TAFA2: variants seen among roughly 807,000 people sequenced by gnomAD.
TAFA2 encodes the protein TAFA chemokine like family member 2, also known as chemokine-like protein TAFA-2.
TAFA2 carries 7 observed loss-of-function variants against 18.8 expected under a neutral mutation model. That is an observed-to-expected ratio of 0.37 (90% CI 0.21 to 0.70). The LOEUF (loss-of-function observed/expected upper bound fraction) is 0.70, where lower values mean the gene tolerates loss of function less well. Among genes scored for constraint, TAFA2 ranks in the 30% least tolerant of loss-of-function variants. The pLI is 0.53. For missense variants in TAFA2, 122 were observed against 158.1 expected (o/e 0.77, Z 1.23); for synonymous variants, 60 against 54.2 (o/e 1.11, Z -0.47).
chr12:61,903,223 A>C (rs532963089), intron 1 of TAFA2, among the ~76,000 whole-genome samples: 7 of 152,184 alleles, frequency 4.6e-5, no homozygotes, highest in African/African-American at 1.7e-4. Context: ...CCATAACCTA[A>C]TAGACTACTA....
intron 1 of TAFA2, among the ~76,000 whole-genome samples, chr12:62,048,479 G>T (rs985976644): frequency 1.6e-4 from 25 of 152,128 alleles, no homozygotes; most frequent in African/African-American, 5.8e-4. Context: ...GATGAGATTT[G>T]GGTGGGCACA....
intron 2 of TAFA2, among the ~76,000 whole-genome samples, chr12:61,830,216 T>G (rs1872667851): frequency 6.7e-6 from 1 of 150,170 alleles, no homozygotes. Flanking sequence ...TATATGTATA[T>G]GTATATATTA....
chr12:61,836,756 T>TATATATATATATATATATACAC (rs68158949), intron 2 of TAFA2, among the ~76,000 whole-genome samples: 160 of 119,784 alleles, frequency 1.3e-3, no homozygotes, highest in Non-Finnish European at 2.4e-3. Context: ...TATATATATA[T>TATATATATATATATATATACAC]ACACACACAC....
chr12:62,207,677 G>A (rs1260070885), intron 1 of TAFA2, among the ~76,000 whole-genome samples: 1 of 152,092 alleles, frequency 6.6e-6, no homozygotes, highest in Non-Finnish European at 1.5e-5. Context: ...GTGGTTCCTA[G>A]GGTACAGGGG....
intron 1 of TAFA2, among the ~76,000 whole-genome samples, chr12:62,157,541 C>T (rs1300410774): frequency 1.3e-5 from 2 of 152,196 alleles, no homozygotes; most frequent in African/African-American, 4.8e-5. Context: ...AACCACTCTG[C>T]GGTCCAGTCT....
chr12:62,231,057 A>C (rs1427986651), intron 1 of TAFA2, among the ~76,000 whole-genome samples: 1 of 152,234 alleles, frequency 6.6e-6, no homozygotes, highest in African/African-American at 2.4e-5. Flanking sequence ...ATTTATGTCC[A>C]TTTGATCCAC....
At chr12:62,257,926 A>G (rs908059831) in intron 1 of TAFA2, among the ~76,000 whole-genome samples, 4 of 152,234 alleles carry the variant, frequency 2.6e-5, no homozygotes, top group African/African-American at 9.6e-5. Context: ...CCAGTAAAAT[A>G]AGCAGAATTT....
At chr12:61,998,515 T>G (rs1880276043) in intron 1 of TAFA2, among the ~76,000 whole-genome samples, 3 of 152,198 alleles carry the variant, frequency 2.0e-5, no homozygotes, top group Admixed American at 1.3e-4. Flanking sequence ...CATTTCTAAC[T>G]GATATGCATA....
Position 61,808,542 on chromosome 12 carries a change from G to A in TAFA2, c.107-53518C>T, listed in dbSNP as rs117339881. Among the ~76,000 whole-genome samples, 666 of 151,460 alleles carry A rather than the reference G, an allele frequency of 4.4e-3. 4 individuals carry two copies. The highest frequency in any genetic ancestry group is 0.017 in the Middle Eastern group (5 of 294). On this transcript the variant is annotated intron_variant, in intron 2 of 4. Transcript: ENST00000416284. ...AACCTTAAAATATGATTAGGATTTA[G>A]ATAAGCTGATGAGCAAAACAAGGTG...
chr12:61,794,710 C>A (rs934745119), intron 2 of TAFA2, among the ~76,000 whole-genome samples: 1 of 151,526 alleles, frequency 6.6e-6, no homozygotes, highest in East Asian at 1.9e-4. Flanking sequence ...ACATAAAATG[C>A]CCCCAAAAAT....
At chr12:61,761,122 C>T (rs1471524241) in intron 2 of TAFA2, among the ~76,000 whole-genome samples, 1 of 151,956 alleles carries the variant, frequency 6.6e-6, no homozygotes, top group Non-Finnish European at 1.5e-5. Context: ...GATACTGCCT[C>T]TTAAATCATA....
intron 1 of TAFA2, among the ~76,000 whole-genome samples, chr12:61,999,023 T>TA (rs2136698377): frequency 1.3e-5 from 2 of 152,332 alleles, no homozygotes; most frequent in East Asian, 3.9e-4. Context: ...GCTGGGTTTT[T>TA]ATTCAGCTGC....
chr12:61,735,868 G>T (rs1868295558), intron 4 of TAFA2, among the ~76,000 whole-genome samples: 1 of 151,904 alleles, frequency 6.6e-6, no homozygotes, highest in Non-Finnish European at 1.5e-5. Flanking sequence ...ATTATTTGTG[G>T]AGTGATTGTG....
intron 4 of TAFA2, among the ~76,000 whole-genome samples, chr12:61,723,648 G>A (rs1870008175): frequency 6.6e-6 from 1 of 151,984 alleles, no homozygotes; most frequent in Non-Finnish European, 1.5e-5. Flanking sequence ...ATTCTCACTT[G>A]GAAAAGGTCT....
intron 1 of TAFA2, among the ~76,000 whole-genome samples, chr12:62,060,818 T>TA (rs555768351): frequency 1.4e-4 from 21 of 152,118 alleles, no homozygotes; most frequent in African/African-American, 4.3e-4. Flanking sequence ...ACTTTAAAAG[T>TA]AAAAAATGTA....
At chr12:61,782,973 T>G (rs1490479972) in intron 2 of TAFA2, among the ~76,000 whole-genome samples, 1 of 151,580 alleles carries the variant, frequency 6.6e-6, no homozygotes. Flanking sequence ...ACATTTATCA[T>G]TTTTTTCCAG....
chr12:61,911,170 T>C (rs1876595374), intron 1 of TAFA2, among the ~76,000 whole-genome samples: 1 of 152,176 alleles, frequency 6.6e-6, no homozygotes, highest in Non-Finnish European at 1.5e-5. Flanking sequence ...GTTTAGATTC[T>C]ACATTTTACC....
intron 1 of TAFA2, among the ~76,000 whole-genome samples, chr12:62,046,021 C>T (rs540009966): frequency 1.3e-4 from 20 of 151,942 alleles, no homozygotes; most frequent in Non-Finnish European, 2.6e-4. Context: ...ATGGTGAAAT[C>T]GGAAAGGAGG....
chr12:62,047,587 T>G (rs2136768970), intron 1 of TAFA2, among the ~76,000 whole-genome samples: 1 of 152,298 alleles, frequency 6.6e-6, no homozygotes, highest in Non-Finnish European at 1.5e-5. Context: ...CAATGTAGCT[T>G]TTCAAACTTA....
Sources: gnomAD v4.1 joint callset for allele counts (sites outside exome capture counted in the v4.1 genomes callset) on GRCh38, gnomAD v4.1.1 for gene constraint, MANE v1.5 for transcripts, NCBI Gene and HGNC (gene_info 2026-07-23, HGNC 2026-07-21) for gene names.